KAZALD1: variants seen among roughly 807,000 people sequenced by gnomAD.
The protein encoded by KAZALD1 is kazal-type serine protease inhibitor domain-containing protein 1.
In KAZALD1, 31 loss-of-function variants were observed where a neutral mutation model predicts 27.7. The observed-to-expected ratio is 1.12, with a 90% CI of 0.84 to 1.51. KAZALD1 has a LOEUF of 1.51. KAZALD1 is among the 40% of genes most tolerant of loss of function. The pLI, the probability that KAZALD1 is intolerant of heterozygous loss-of-function variation, is 0.00. For synonymous variants in KAZALD1, 179 were observed against 182.0 expected (o/e 0.98, Z 0.13); for missense variants, 444 against 408.9 (o/e 1.09, Z -0.74).
At position 101,064,906 on chromosome 10, in the gene KAZALD1, G is replaced by T; in HGVS notation, c.901G>T (p.Asp301Tyr). The change falls in exon 5 of 5, where the codon GAC (aspartate) becomes TAC (tyrosine). Residue 301 changes from aspartate (D) to tyrosine (Y), a missense_variant. Transcript: ENST00000370200. ...PEEEAESEEN[D>Y]DYY The stretch of plus-strand genomic sequence containing the variant: ...GGAGGAGGCTGAGAGTGAAGAGAAT[G>T]ACGATTACTACTAGGTCCAGAGCTC... The T allele has an allele frequency of 6.2e-7, 1 of 1,613,202 alleles. No individual in the cohort carries two copies. The highest frequency in any genetic ancestry group is 8.5e-7 in the Non-Finnish European group (1 of 1,179,130).
rs807037 is a variant in KAZALD1 at position 101,064,592 on chromosome 10, G to T, written c.764G>T (p.Gly255Val). The T allele has an allele frequency of 6.2e-7, 1 of 1,613,762 alleles. No individual in the cohort carries two copies. The highest frequency in any genetic ancestry group is 8.5e-7 in the Non-Finnish European group (1 of 1,179,964). Residue 255 changes from glycine (G) to valine (V), a missense_variant, in exon 4 of 5, where the codon GGC (glycine) becomes GTC (valine). Transcript: ENST00000370200. ...GATGAGGGCACTTACCGCTGCCTTGGCCGCAATGCCCTGGGTCAAGTGGAG... is the reference window on the plus strand; with the variant it reads ...GATGAGGGCACTTACCGCTGCCTTGTCCGCAATGCCCTGGGTCAAGTGGAG... ...PSDEGTYRCL[G>V]RNALGQVEAP...
Position 101,062,079 on chromosome 10 carries a change from T to G in KAZALD1, c.-88T>G, listed in dbSNP as rs1345638241. The G allele has an allele frequency of 1.3e-5, 2 of 156,754 alleles. No individual in the cohort carries two copies. Among genetic ancestry groups the G allele is most frequent in the Non-Finnish European group, 2.8e-5 (2 of 71,162 alleles). 9.7% of individuals were successfully genotyped at this position (156,754 alleles called of 1,614,324 possible). ...CATAACCTTTTCTTTCGGACTCGAATCACGGCTGCTGCGAAGGGTCTAGTT... is the reference window on the plus strand; with the variant it reads ...CATAACCTTTTCTTTCGGACTCGAAGCACGGCTGCTGCGAAGGGTCTAGTT... On this transcript the variant is annotated 5_prime_UTR_variant, in exon 1 of 5. Coordinates refer to ENST00000370200, the MANE Select transcript of KAZALD1 (RefSeq NM_030929.5).
chr10:101,066,748 A>G lies in KAZALD1; in HGVS notation c.*1828A>G. ...CTGCAGAGCAGAGGCTCCTCACCAA[A>G]AGCCCCACCCCACCGGAGAGGGTCA... On this transcript the variant is annotated 3_prime_UTR_variant, in exon 5 of 5. Coordinates refer to ENST00000370200, the MANE Select transcript of KAZALD1 (RefSeq NM_030929.5). 2 of 342,638 alleles carry G rather than the reference A, an allele frequency of 5.8e-6. No individual in the cohort carries two copies. Among genetic ancestry groups the G allele is most frequent in the South Asian group, 4.5e-5 (2 of 44,470 alleles). 21.2% of individuals were successfully genotyped at this position (342,638 alleles called of 1,614,324 possible).
Position 101,066,741 on chromosome 10 carries a change from T to C in KAZALD1, c.*1821T>C. 2.9e-6 allele frequency: 1 copy of C among 345,978 alleles called. No homozygotes were observed. The highest frequency in any genetic ancestry group is 5.7e-6 in the Non-Finnish European group (1 of 174,918). The allele number at this position is 345,978 out of a possible 1,614,324, so 21.4% of individuals were successfully genotyped here. On this transcript the variant is annotated 3_prime_UTR_variant, in exon 5 of 5. Transcript: ENST00000370200. Reference sequence around the variant, plus strand: ...CGTCCACCTGCAGAGCAGAGGCTCCTCACCAAAAGCCCCACCCCACCGGAG... The same window carrying C: ...CGTCCACCTGCAGAGCAGAGGCTCCCCACCAAAAGCCCCACCCCACCGGAG...
Position 101,066,210 on chromosome 10 carries a change from C to T in KAZALD1, c.*1290C>T. 2.9e-6 allele frequency: 1 copy of T among 344,688 alleles called. No individual in the cohort carries two copies. Among genetic ancestry groups the T allele is most frequent in the Admixed American group, 3.8e-5 (1 of 26,072 alleles). The allele number at this position is 344,688 out of a possible 1,614,324, so 21.4% of individuals were successfully genotyped here. Reference sequence around the variant, plus strand: ...GCTGTGTGTAGATGGCGACAGCCTCCTACACGCCAGGGCTCCACCCGGATC... The same window carrying T: ...GCTGTGTGTAGATGGCGACAGCCTCTTACACGCCAGGGCTCCACCCGGATC... On this transcript the variant is annotated 3_prime_UTR_variant, in exon 5 of 5. Transcript: ENST00000370200.
chr10:101,063,434 C>CCG (rs1398323974), intron 2 of KAZALD1, among the ~76,000 whole-genome samples: 1 of 152,182 alleles, frequency 6.6e-6, no homozygotes, highest in Non-Finnish European at 1.5e-5. Context: ...GAGACCCCCC[C>CCG]GACTTTTCCC....
At position 101,066,442 on chromosome 10, in the gene KAZALD1, C is replaced by T. The variant is rs749370659; in HGVS notation, c.*1522C>T. ...TTAAGCCAGCGACAGTTTTTATTGC[C>T]GAACCCAGGCTGGAAGCGGGCGGCC... On this transcript the variant is annotated 3_prime_UTR_variant, in exon 5 of 5. Coordinates refer to ENST00000370200, the MANE Select transcript of KAZALD1 (RefSeq NM_030929.5). 2.2e-6 allele frequency: 1 copy of T among 456,754 alleles called. No homozygotes were observed. Among genetic ancestry groups the T allele is most frequent in the Non-Finnish European group, 4.4e-6 (1 of 226,970 alleles). 28.3% of individuals were successfully genotyped at this position (456,754 alleles called of 1,614,324 possible). A position where few individuals can be genotyped will look rare whatever the true frequency, so the allele number is the denominator to read the frequency against.
In KAZALD1 at chr10:101,062,612, C is replaced by A; in HGVS notation, c.20C>A (p.Pro7His). 6.3e-7 allele frequency: 1 copy of A among 1,582,272 alleles called. No homozygotes were observed. The highest frequency in any genetic ancestry group is 2.3e-5 in the East Asian group (1 of 43,430). MLPPPR[P>H]AAALALPVLL... is the part of the protein sequence containing the mutation. ...CTAACCATGCTGCCGCCGCCGCGGC[C>A]CGCAGCTGCCTTGGCGCTGCCTGTG... The change falls in exon 2 of 5, where the codon CCC becomes CAC. Residue 7 changes from proline to histidine, a missense_variant. Coordinates refer to ENST00000370200, the MANE Select transcript of KAZALD1 (RefSeq NM_030929.5).
Position 101,066,902 on chromosome 10 carries a change from G to C in KAZALD1, c.*1982G>C, listed in dbSNP as rs939314550. 34 of 316,914 alleles carry C rather than the reference G, an allele frequency of 1.1e-4. No individual in the cohort carries two copies. The highest frequency in any genetic ancestry group is 6.8e-4 in the African/African-American group (31 of 45,756). The allele number at this position is 316,914 out of a possible 1,614,324, so 19.6% of individuals were successfully genotyped here. A position where few individuals can be genotyped will look rare whatever the true frequency, so the allele number is the denominator to read the frequency against. On this transcript the variant is annotated 3_prime_UTR_variant, in exon 5 of 5. Coordinates refer to ENST00000370200, the MANE Select transcript of KAZALD1 (RefSeq NM_030929.5). Reference sequence around the variant, plus strand: ...GGTTCAAGCACCACAGCCTGGAATGGGAGAACTGTTGTCCACCGCCCCCTC... The same window carrying C: ...GGTTCAAGCACCACAGCCTGGAATGCGAGAACTGTTGTCCACCGCCCCCTC...
At position 101,064,669 on chromosome 10, in the gene KAZALD1, T is replaced by A. The variant is rs777496633; in HGVS notation, c.820+21T>A. On this transcript the variant is annotated intron_variant, in intron 4 of 4. Coordinates refer to ENST00000370200, the MANE Select transcript of KAZALD1 (RefSeq NM_030929.5). Reference sequence around the variant, plus strand: ...ACCTGGTAAGGGGATTCCTGAGTTCTGGGGGTTGGGGGGATGGTGCTGGAT... The same window carrying A: ...ACCTGGTAAGGGGATTCCTGAGTTCAGGGGGTTGGGGGGATGGTGCTGGAT... 12 of 1,612,936 alleles carry A rather than the reference T, an allele frequency of 7.4e-6. No homozygotes were observed. In the South Asian group the frequency reaches 1.3e-4, roughly 18 times the overall value.
Position 101,062,613 on chromosome 10 carries a change from C to A in KAZALD1, c.21C>A (p.Pro7=), listed in dbSNP as rs1434392063. Residue 7 remains proline (P), a synonymous_variant, in exon 2 of 5, where the codon CCC becomes CCA. Coordinates refer to ENST00000370200, the MANE Select transcript of KAZALD1 (RefSeq NM_030929.5). Reference sequence around the variant, plus strand: ...TAACCATGCTGCCGCCGCCGCGGCCCGCAGCTGCCTTGGCGCTGCCTGTGC... The same window carrying A: ...TAACCATGCTGCCGCCGCCGCGGCCAGCAGCTGCCTTGGCGCTGCCTGTGC... The part of the protein sequence containing the change: MLPPPR[P]AAALALPVLL... The A allele has an allele frequency of 1.3e-6, 2 of 1,581,700 alleles. No homozygotes were observed. The highest frequency in any genetic ancestry group is 1.7e-5 in the Admixed American group (1 of 58,492).
At chr10:101,064,794 G>T (rs752369835) in intron 4 of KAZALD1, 32 bp from the exon 5 acceptor site, 21 of 1,609,750 alleles carry the variant, frequency 1.3e-5, no homozygotes, top group Non-Finnish European at 1.6e-5. Context: ...CCTCTCTCCT[G>T]TTCTCTCTTC....
chr10:101,064,730 C>T (rs1489612353), intron 4 of KAZALD1, 82 bp downstream of exon 4: 1 of 1,603,182 alleles, frequency 6.2e-7, no homozygotes. Context: ...GACCATGTGT[C>T]TGTATACACA....
At chr10:101,063,172 C>T (rs1939215685) in intron 2 of KAZALD1, 69 bp downstream of exon 2, 1 of 1,332,528 alleles carries the variant, frequency 7.5e-7, no homozygotes, top group South Asian at 1.5e-5. Context: ...CGACCCCTGA[C>T]AGCATTGGTC....
Position 101,064,605 on chromosome 10 carries a change from G to T in KAZALD1, c.777G>T (p.Leu259=), listed in dbSNP as rs144276916. The T allele has an allele frequency of 7.8e-5, 126 of 1,613,880 alleles. 1 individual carries two copies. In the African/African-American group the frequency reaches 1.4e-3, roughly 18 times the overall value. Residue 259 remains leucine (L), a synonymous_variant, in exon 4 of 5, where the codon CTG becomes CTT. Transcript: ENST00000370200. ...ACCGCTGCCTTGGCCGCAATGCCCTGGGTCAAGTGGAGGCCCCTGCTAGCT... is the reference window on the plus strand; with the variant it reads ...ACCGCTGCCTTGGCCGCAATGCCCTTGGTCAAGTGGAGGCCCCTGCTAGCT... ...GTYRCLGRNA[L]GQVEAPASLT...
chr10:101,067,934 G>A (rs1156248057), downstream of KAZALD1: 1 of 471,632 alleles, frequency 2.1e-6, no homozygotes. Context: ...GTGCGGGGAA[G>A]CGCCTGGGGA....
Position 101,062,844 on chromosome 10 carries a change from C to T in KAZALD1, c.252C>T (p.Asn84=), listed in dbSNP as rs1446306056. ...DACGCCWECA[N]LEGQLCDLDP... is the part of the protein sequence containing the mutation. The stretch of plus-strand genomic sequence containing the variant: ...GCGGCTGCTGCTGGGAATGCGCCAA[C>T]CTCGAGGGCCAGCTCTGCGACCTGG... Residue 84 remains asparagine, a synonymous_variant, in exon 2 of 5, where the codon AAC becomes AAT. Transcript: ENST00000370200. 4.5e-5 allele frequency: 71 copies of T among 1,594,266 alleles called. No homozygotes were observed. Among genetic ancestry groups the T allele is most frequent in the Non-Finnish European group, 5.8e-5 (68 of 1,175,852 alleles).
In KAZALD1 at chr10:101,066,131, GTTTA is replaced by G. The variant is rs1399892607; in HGVS notation, c.*1216_*1219del. Among the ~76,000 whole-genome samples, 1 of 152,262 alleles carries G rather than the reference GTTTA, an allele frequency of 6.6e-6. No homozygotes were observed. The highest frequency in any genetic ancestry group is 1.5e-5 in the Non-Finnish European group (1 of 68,050). ...CCCAGGGACACTGGTGAGACTCAAT[GTTTA>G]TTTAATGATTGGAGGAAAGAATGAA... is the stretch of plus-strand genomic sequence containing the variant. On this transcript the variant is annotated 3_prime_UTR_variant, in exon 5 of 5. Coordinates refer to ENST00000370200, the MANE Select transcript of KAZALD1 (RefSeq NM_030929.5).
At position 101,062,672 on chromosome 10, in the gene KAZALD1, C is replaced by CG. The variant is rs1939189952; in HGVS notation, c.81dup (p.Thr28AspfsTer80). 4.5e-6 allele frequency: 7 copies of CG among 1,548,690 alleles called. No homozygotes were observed. The highest frequency in any genetic ancestry group is 6.1e-6 in the Non-Finnish European group (7 of 1,155,348). ...CTGCTGGTGGTGCTGACGCCGCCCC[C>CG]GACCGGCGCAAGGCCATCCCCAGGC... is the stretch of plus-strand genomic sequence containing the variant. On this transcript the variant is annotated frameshift_variant, in exon 2 of 5. Coordinates refer to ENST00000370200, the MANE Select transcript of KAZALD1 (RefSeq NM_030929.5). LOFTEE classifies it high-confidence loss of function.
Sources: allele counts gnomAD v4.1 joint callset (sites outside exome capture counted in the v4.1 genomes callset), GRCh38; gene constraint gnomAD v4.1.1; transcripts MANE v1.5; gene names NCBI Gene and HGNC (gene_info 2026-07-23, HGNC 2026-07-21).